The following KCNIP4 variants were observed in gnomAD, a reference collection of about 807,000 sequenced individuals.
The protein encoded by KCNIP4 is potassium voltage-gated channel interacting protein 4.
A neutral mutation model predicts 34.0 loss-of-function variants in KCNIP4; 12 were observed. That is an observed-to-expected ratio of 0.35 (90% confidence interval 0.23 to 0.57). The LOEUF is 0.57. KCNIP4 is among the 20% of genes least tolerant of loss of function. The probability of loss-of-function intolerance (pLI) is 0.83; values close to 1 mark genes in which losing one functional copy is unlikely to be tolerated. For synonymous variants in KCNIP4, 124 were observed against 102.2 expected (o/e 1.21, Z -1.29); for missense variants, 238 against 311.7 (o/e 0.76, Z 1.78).
chr4:21,934,869 G>A (rs1729765841), intron 1 of KCNIP4, among the ~76,000 whole-genome samples: 1 of 152,030 alleles, frequency 6.6e-6, no homozygotes, highest in African/African-American at 2.4e-5. Context: ...TCAATAAAAA[G>A]GATATTTAAA....
intron 1 of KCNIP4, among the ~76,000 whole-genome samples, chr4:21,789,904 CGTTT>C (rs957446315): frequency 5.3e-5 from 8 of 152,250 alleles, no homozygotes; most frequent in Non-Finnish European, 1.0e-4. Flanking sequence ...ATTCAGTTTG[CGTTT>C]GTTTTAAAGG....
chr4:21,655,524 A>G (rs1747851711), intron 1 of KCNIP4, among the ~76,000 whole-genome samples: 1 of 152,222 alleles, frequency 6.6e-6, no homozygotes, highest in Admixed American at 6.5e-5. Context: ...TATTTGTGAT[A>G]AAACACATGC....
chr4:21,494,282 C>G (rs951442334), intron 1 of KCNIP4, among the ~76,000 whole-genome samples: 1 of 151,740 alleles, frequency 6.6e-6, no homozygotes, highest in African/African-American at 2.4e-5. Flanking sequence ...ATAATTAACT[C>G]AAAACTTTTT....
chr4:21,849,181 A>T (rs1250372174), intron 1 of KCNIP4: 1 of 152,138 alleles, frequency 6.6e-6, no homozygotes, highest in Non-Finnish European at 1.5e-5. Flanking sequence ...AACAGGATTA[A>T]TTCTGTTGTG....
chr4:21,879,831 T>C (rs1371647655), intron 1 of KCNIP4, among the ~76,000 whole-genome samples: 3 of 151,770 alleles, frequency 2.0e-5, no homozygotes, highest in Non-Finnish European at 4.4e-5. Context: ...CGGTGGGAGG[T>C]AATTGAATCA....
At chr4:21,176,290 G>A (rs1204551247) in intron 1 of KCNIP4, among the ~76,000 whole-genome samples, 1 of 152,138 alleles carries the variant, frequency 6.6e-6, no homozygotes, top group African/African-American at 2.4e-5. Context: ...CTAGATTCCT[G>A]TCTCACAGTT....
chr4:21,439,761 T>G (rs1727289747), intron 1 of KCNIP4, among the ~76,000 whole-genome samples: 2 of 26,656 alleles, frequency 7.5e-5, no homozygotes, highest in Non-Finnish European at 1.6e-4. Flanking sequence ...GATATCAAAC[T>G]GGCTCTAATG....
Position 20,916,988 on chromosome 4 carries a change from TATATATA to T in KCNIP4, c.62-34286_62-34280del, listed in dbSNP as rs1728889895. Reference sequence around the variant, plus strand: ...TCCACCATTGACCATCTTATGTTTATATATATATATATATATATATATATATATATAT... The same window carrying T: ...TCCACCATTGACCATCTTATGTTTATTATATATATATATATATATATATAT... On this transcript the variant is annotated intron_variant, in intron 1 of 8. Coordinates refer to ENST00000382152, the MANE Select transcript of KCNIP4 (RefSeq NM_025221.6). Among the ~76,000 whole-genome samples, 148 of 30,352 alleles carry T rather than the reference TATATATA, an allele frequency of 4.9e-3. 22 individuals are homozygous for T. The highest frequency in any genetic ancestry group is 0.012 in the East Asian group (6 of 502). The allele number at this position is 30,352 out of a possible 152,430, so 19.9% of individuals were successfully genotyped here.
chr4:21,204,346 T>C (rs1756698293), intron 1 of KCNIP4, among the ~76,000 whole-genome samples: 1 of 152,152 alleles, frequency 6.6e-6, no homozygotes, highest in Non-Finnish European at 1.5e-5. Context: ...TTCTCTGAAA[T>C]ATAAGGGCAT....
At position 21,793,471 on chromosome 4, in the gene KCNIP4, T is replaced by C. The variant is rs567130168; in HGVS notation, c.61+155100A>G. Among the ~76,000 whole-genome samples the C allele has an allele frequency of 5.3e-5, 8 of 152,290 alleles. No individual in the cohort carries two copies. The East Asian group carries it at 1.5e-3, about 29-fold the overall frequency. Reference sequence around the variant, plus strand: ...TAAGATTTCACCATGTTGGCCAGGCTGGTCTTGAACTCCTGACCTCAAGTG... The same window carrying C: ...TAAGATTTCACCATGTTGGCCAGGCCGGTCTTGAACTCCTGACCTCAAGTG... On this transcript the variant is annotated intron_variant, in intron 1 of 8. Coordinates refer to ENST00000382152, the MANE Select transcript of KCNIP4 (RefSeq NM_025221.6).
At chr4:21,001,460 T>C (rs1004277728) in intron 1 of KCNIP4, among the ~76,000 whole-genome samples, 5 of 152,170 alleles carry the variant, frequency 3.3e-5, no homozygotes, top group Admixed American at 6.5e-5. Context: ...CCAGTTCATT[T>C]TGGATTTGAA....
chr4:21,173,137 G>A (rs1424886837), intron 1 of KCNIP4, among the ~76,000 whole-genome samples: 1 of 152,086 alleles, frequency 6.6e-6, no homozygotes, highest in Non-Finnish European at 1.5e-5. Flanking sequence ...TGGAGGCTTA[G>A]GTCAAACATC....
intron 1 of KCNIP4, among the ~76,000 whole-genome samples, chr4:21,475,422 C>T (rs1399913924): frequency 6.6e-6 from 1 of 152,186 alleles, no homozygotes; most frequent in Non-Finnish European, 1.5e-5. Context: ...CTTTACCTAC[C>T]TATGAACTGA....
chr4:21,772,226 T>C (rs192295960), intron 1 of KCNIP4, among the ~76,000 whole-genome samples: 1 of 152,328 alleles, frequency 6.6e-6, no homozygotes, highest in Admixed American at 6.5e-5. Flanking sequence ...GGATGACGTT[T>C]ATTGATTTGC....
intron 3 of KCNIP4, among the ~76,000 whole-genome samples, chr4:20,774,013 C>T (rs1756145963): frequency 2.6e-5 from 4 of 152,174 alleles, no homozygotes; most frequent in Admixed American, 2.6e-4. Context: ...GCTGCTTGAG[C>T]CTGCTTTGCT....
At chr4:21,077,205 T>C (rs1441600812) in intron 1 of KCNIP4, among the ~76,000 whole-genome samples, 1 of 152,108 alleles carries the variant, frequency 6.6e-6, no homozygotes, top group Non-Finnish European at 1.5e-5. Flanking sequence ...CATTTATTTG[T>C]GTTGTCATCA....
chr4:21,032,689 T>C (rs1041165717), intron 1 of KCNIP4, among the ~76,000 whole-genome samples: 6 of 152,204 alleles, frequency 3.9e-5, no homozygotes, highest in African/African-American at 1.4e-4. Context: ...TGATCCCGTT[T>C]GTACTGAAAA....
At chr4:21,728,545 A>G (rs1016017095) in intron 1 of KCNIP4, among the ~76,000 whole-genome samples, 1 of 152,126 alleles carries the variant, frequency 6.6e-6, no homozygotes, top group Non-Finnish European at 1.5e-5. Context: ...ATCCTTTTAA[A>G]ACATAATTCA....
chr4:20,929,613 T>G (rs528780205), intron 1 of KCNIP4, among the ~76,000 whole-genome samples: 1 of 147,712 alleles, frequency 6.8e-6, no homozygotes, highest in Non-Finnish European at 1.5e-5. Context: ...TATTTGCAGA[T>G]GATATAATCC....
Sources: gnomAD v4.1 joint callset for allele counts (sites outside exome capture counted in the v4.1 genomes callset) on GRCh38, gnomAD v4.1.1 for gene constraint, MANE v1.5 for transcripts, NCBI Gene and HGNC (gene_info 2026-07-23, HGNC 2026-07-21) for gene names.